The following STX18 variants were observed in gnomAD, a reference collection of about 807,000 sequenced individuals.
STX18 encodes syntaxin-18.
STX18 carries 40 observed loss-of-function variants against 50.1 expected under a neutral mutation model. The ratio of observed to expected loss-of-function variants is 0.80; its 90% CI spans 0.62 to 1.04. The LOEUF is 1.04. Ranked by LOEUF, STX18 falls within the 50% of genes least tolerant of loss-of-function variation. STX18 has a pLI of 0.00. For missense variants in STX18, 410 were observed against 415.8 expected (o/e 0.99, Z 0.12); for synonymous variants, 158 against 151.8 (o/e 1.04, Z -0.30).
chr4:4,454,862 T>A (rs1051111677), intron 5 of STX18, among the ~76,000 whole-genome samples: 3 of 152,202 alleles, frequency 2.0e-5, no homozygotes, highest in African/African-American at 4.8e-5. Flanking sequence ...TTTTTGAGGA[T>A]TAATGAAATA....
At chr4:4,460,353 C>T (rs944660876) in intron 2 of STX18, among the ~76,000 whole-genome samples, 4 of 152,170 alleles carry the variant, frequency 2.6e-5, no homozygotes, top group Admixed American at 6.5e-5. Context: ...TACACAGCTA[C>T]GACTGTGCTC....
chr4:4,448,281 C>T (rs1726538269), intron 5 of STX18, among the ~76,000 whole-genome samples: 1 of 152,130 alleles, frequency 6.6e-6, no homozygotes, highest in Non-Finnish European at 1.5e-5. Context: ...GGATTTGGAG[C>T]CAACAAAGGG....
Position 4,514,936 on chromosome 4 carries a change from T to C in STX18, c.168+26861A>G, listed in dbSNP as rs16835798. 3.1e-3 allele frequency among the ~76,000 whole-genome samples: 471 copies of C among 152,232 alleles called. 5 individuals carry two copies. The highest frequency in any genetic ancestry group is 0.024 in the Middle Eastern group (7 of 292). The stretch of plus-strand genomic sequence containing the variant: ...ATACAATGGAGGCTAATTATAACAA[T>C]AGTTCCATAAACTATGGGGACAGGA... On this transcript the variant is annotated intron_variant, in intron 1 of 10. Transcript: ENST00000306200.
At chr4:4,484,803 G>A (rs964397757) in intron 1 of STX18, among the ~76,000 whole-genome samples, 24 of 152,292 alleles carry the variant, frequency 1.6e-4, no homozygotes, top group South Asian at 8.3e-4. Flanking sequence ...AATCCCTGCC[G>A]GTTAATAATG....
At chr4:4,477,961 G>T in intron 1 of STX18, 1 of 152,228 alleles carries the variant, frequency 6.6e-6, no homozygotes. Flanking sequence ...CCTCCATAAC[G>T]ATCGTACGAA....
chr4:4,502,735 G>A (rs1362588801), intron 1 of STX18, among the ~76,000 whole-genome samples: 2 of 152,190 alleles, frequency 1.3e-5, no homozygotes, highest in Non-Finnish European at 2.9e-5. Flanking sequence ...GCTAAGGTGT[G>A]TGTGCAGCAC....
chr4:4,439,819 C>A (rs1174024908), intron 5 of STX18, among the ~76,000 whole-genome samples: 1 of 152,112 alleles, frequency 6.6e-6, no homozygotes, highest in Non-Finnish European at 1.5e-5. Context: ...GTCTTCCTTC[C>A]CATCTACAGG....
chr4:4,471,813 C>G (rs1394951599), intron 1 of STX18, 107 bp from the exon 2 acceptor site: 11 of 817,058 alleles, frequency 1.3e-5, no homozygotes, highest in Non-Finnish European at 1.8e-5. Flanking sequence ...GATTCTGAAG[C>G]TACAAACTGA....
chr4:4,476,626 A>C (rs1305283017), intron 1 of STX18, among the ~76,000 whole-genome samples: 2 of 152,202 alleles, frequency 1.3e-5, no homozygotes, highest in African/African-American at 4.8e-5. Context: ...AGGAATAATA[A>C]ATTTCAGTTA....
At chr4:4,431,238 G>A (rs554731695) in intron 7 of STX18, among the ~76,000 whole-genome samples, 12 of 152,194 alleles carry the variant, frequency 7.9e-5, no homozygotes, top group African/African-American at 2.4e-4. Flanking sequence ...AAATACAAAC[G>A]TATTCTTTCT....
chr4:4,423,381 G>T (rs934191701), intron 9 of STX18, 137 bp downstream of exon 9: 2 of 820,436 alleles, frequency 2.4e-6, no homozygotes, highest in African/African-American at 3.4e-5. Context: ...GGAGCTCTGC[G>T]CACACACACC....
intron 5 of STX18, 80 bp from the exon 6 acceptor site, chr4:4,438,589 A>G (rs1232107796): frequency 1.7e-6 from 2 of 1,181,256 alleles, no homozygotes; most frequent in Non-Finnish European, 2.4e-6. Flanking sequence ...GTCACATGTG[A>G]CCCTGCGCTT....
At chr4:4,503,320 CACA>C (rs1729544352) in intron 1 of STX18, among the ~76,000 whole-genome samples, 1 of 152,254 alleles carries the variant, frequency 6.6e-6, no homozygotes, top group East Asian at 1.9e-4. Context: ...TCTACTTGCA[CACA>C]ACATCAGTAG....
At chr4:4,498,443 TTTTG>T (rs780372635) in intron 1 of STX18, among the ~76,000 whole-genome samples, 8 of 152,182 alleles carry the variant, frequency 5.3e-5, no homozygotes, top group African/African-American at 1.2e-4. Flanking sequence ...CACTGGTGGT[TTTTG>T]TTTGTTTTGT....
chr4:4,466,096 A>G (rs2108828404), intron 2 of STX18, among the ~76,000 whole-genome samples: 1 of 152,352 alleles, frequency 6.6e-6, no homozygotes. Context: ...TACCAGGCAC[A>G]TGTGAAAAGT....
intron 1 of STX18, among the ~76,000 whole-genome samples, chr4:4,531,274 G>A (rs988186921): frequency 3.3e-5 from 5 of 152,106 alleles, no homozygotes; most frequent in African/African-American, 9.7e-5. Flanking sequence ...GAGCATTAAA[G>A]TAATAATTGC....
rs1724772664 is a variant in STX18, at chr4:4,419,122, T to C, written c.*912A>G. 6.6e-6 allele frequency: 1 copy of C among 152,300 alleles called. No individual in the cohort carries two copies. The highest frequency in any genetic ancestry group is 1.5e-5 in the Non-Finnish European group (1 of 68,064). The allele number at this position is 152,300 out of a possible 1,614,324, so 9.4% of individuals were successfully genotyped here. The stretch of plus-strand genomic sequence containing the variant: ...TTCACCAGGCGCAGTGCAGACTGTC[T>C]CATGCCCATGTGGGCGCTGGGATGC... On this transcript the variant is annotated 3_prime_UTR_variant, in exon 11 of 11. Transcript: ENST00000306200.
At chr4:4,440,805 T>A (rs1174853536) in intron 5 of STX18, among the ~76,000 whole-genome samples, 1 of 152,222 alleles carries the variant, frequency 6.6e-6, no homozygotes, top group Non-Finnish European at 1.5e-5. Context: ...TTGTTCTGGT[T>A]ACTACAGCTG....
intron 1 of STX18, among the ~76,000 whole-genome samples, chr4:4,526,004 A>G (rs1366060741): frequency 5.9e-5 from 9 of 152,142 alleles, no homozygotes; most frequent in African/African-American, 2.2e-4. Flanking sequence ...CTGCTAACAG[A>G]GCAGCATGGT....
Sources: allele counts gnomAD v4.1 joint callset (sites outside exome capture counted in the v4.1 genomes callset), GRCh38; gene constraint gnomAD v4.1.1; transcripts MANE v1.5; gene names NCBI Gene and HGNC (gene_info 2026-07-23, HGNC 2026-07-21).